ZNF385D: variants seen among roughly 807,000 people sequenced by gnomAD.
The protein encoded by ZNF385D is zinc finger protein 385D.
ZNF385D carries 15 observed loss-of-function variants against 35.8 expected under a neutral mutation model. That is an observed-to-expected ratio of 0.42 (90% CI 0.28 to 0.64). The LOEUF is 0.64. Among genes scored for constraint, ZNF385D ranks in the 30% least tolerant of loss-of-function variants. The pLI is 0.23. For synonymous variants in ZNF385D, 212 were observed against 186.8 expected, an observed-to-expected ratio of 1.13 and a Z score of -1.10; for missense variants, 474 against 494.6, an observed-to-expected ratio of 0.96 and a Z score of 0.39.
intron 2 of ZNF385D, among the ~76,000 whole-genome samples, chr3:21,638,732 A>G (rs570054215): frequency 1.3e-5 from 2 of 152,270 alleles, no homozygotes; most frequent in East Asian, 1.9e-4. Context: ...GGTTTTGTAC[A>G]TAGAAAGCTA....
chr3:22,002,008 A>T (rs1587295), intron 3 of ZNF385D, among the ~76,000 whole-genome samples: 98,776 of 151,444 alleles, frequency 0.65, 33,420 homozygotes, highest in African/African-American at 0.81. Flanking sequence ...AAATAAACAA[A>T]CTTGTAACAA....
At chr3:21,467,658 T>C (rs77195103) in intron 4 of ZNF385D, among the ~76,000 whole-genome samples, 2,724 of 152,270 alleles carry the variant, frequency 0.018, 45 homozygotes, top group South Asian at 0.047. Flanking sequence ...CTCAATATCC[T>C]GATTCTGTCC....
chr3:22,225,071 T>C (rs1005287900), intron 2 of ZNF385D, among the ~76,000 whole-genome samples: 3 of 152,208 alleles, frequency 2.0e-5, no homozygotes, highest in African/African-American at 7.2e-5. Flanking sequence ...CAATTACAGA[T>C]AAAATTATGT....
intron 3 of ZNF385D, among the ~76,000 whole-genome samples, chr3:21,922,359 A>C (rs1436316730): frequency 6.6e-6 from 1 of 152,182 alleles, no homozygotes; most frequent in Non-Finnish European, 1.5e-5. Context: ...GAATAAAGCT[A>C]GAGGCATCAC....
In ZNF385D at chr3:22,233,393, G is replaced by C. The variant is rs11923162; in HGVS notation, c.107-64358C>G. On this transcript the variant is annotated intron_variant, in intron 2 of 5. Coordinates refer to the ZNF385D transcript ENST00000494108. Reference sequence around the variant, plus strand: ...AAAATCCAATCTGTAATGAAAGAAAGCAGATCAGTGGTTGCCTGGGGCAAC... The same window carrying C: ...AAAATCCAATCTGTAATGAAAGAAACCAGATCAGTGGTTGCCTGGGGCAAC... Among the ~76,000 whole-genome samples, 622 of 152,238 alleles carry C rather than the reference G, an allele frequency of 4.1e-3. 5 individuals carry two copies. The highest frequency in any genetic ancestry group is 0.014 in the African/African-American group (588 of 41,554).
In ZNF385D at chr3:21,776,823, G is replaced by T. The variant is rs538703542; in HGVS notation, c.326-111795C>A. ...ACGGCTACCAGAACTCCATGAGAAA[G>T]GCACATTTGCTATTCCTGTGGGCAG... On this transcript the variant is annotated intron_variant, in intron 3 of 5. Coordinates refer to the ZNF385D transcript ENST00000494108. Among the ~76,000 whole-genome samples the T allele has an allele frequency of 4.8e-3, 723 of 151,942 alleles. 5 individuals are homozygous for T. The highest frequency in any genetic ancestry group is 0.017 in the African/African-American group (697 of 41,474).
At chr3:21,999,380 C>A (rs2125411274) in intron 3 of ZNF385D, among the ~76,000 whole-genome samples, 1 of 151,722 alleles carries the variant, frequency 6.6e-6, no homozygotes, top group Admixed American at 6.6e-5. Context: ...TGAATGCAAT[C>A]TTAGTGTATG....
chr3:21,604,646 A>G (rs1284116974), intron 2 of ZNF385D, among the ~76,000 whole-genome samples: 2 of 152,272 alleles, frequency 1.3e-5, no homozygotes, highest in African/African-American at 4.8e-5. Flanking sequence ...AGGCCTGAGA[A>G]TAGCGGTTCT....
chr3:22,073,875 C>T (rs1005568864), intron 3 of ZNF385D, among the ~76,000 whole-genome samples: 8 of 151,846 alleles, frequency 5.3e-5, no homozygotes, highest in East Asian at 1.9e-4. Flanking sequence ...ACAGCCTTTA[C>T]GATTGTTTTA....
intron 2 of ZNF385D, among the ~76,000 whole-genome samples, chr3:22,248,182 G>T (rs748130796): frequency 6.6e-6 from 1 of 152,078 alleles, no homozygotes; most frequent in East Asian, 1.9e-4. Context: ...AAGTTATTCT[G>T]TCAACCATTC....
intron 2 of ZNF385D, among the ~76,000 whole-genome samples, chr3:22,274,880 C>T (rs1460115194): frequency 2.0e-5 from 3 of 150,616 alleles, no homozygotes; most frequent in East Asian, 2.0e-4. Flanking sequence ...ACAGGGATAG[C>T]AACAATATAA....
chr3:22,019,522 C>T (rs991700832), intron 3 of ZNF385D, among the ~76,000 whole-genome samples: 1 of 151,830 alleles, frequency 6.6e-6, no homozygotes, highest in African/African-American at 2.4e-5. Context: ...CCTCTATATG[C>T]ATGAAAAATA....
At chr3:21,772,921 T>C (rs2071135575) in intron 3 of ZNF385D, among the ~76,000 whole-genome samples, 1 of 151,844 alleles carries the variant, frequency 6.6e-6, no homozygotes, top group African/African-American at 2.4e-5. Flanking sequence ...TAGAAGAATC[T>C]TGAGAACATG....
At chr3:21,912,262 G>A (rs1699998028) in intron 3 of ZNF385D, among the ~76,000 whole-genome samples, 2 of 151,786 alleles carry the variant, frequency 1.3e-5, no homozygotes, top group South Asian at 4.2e-4. Context: ...CAATATTTAA[G>A]ACAATAATAA....
intron 2 of ZNF385D, among the ~76,000 whole-genome samples, chr3:22,301,061 A>C (rs1702873897): frequency 6.6e-6 from 1 of 152,032 alleles, no homozygotes; most frequent in African/African-American, 2.4e-5. Context: ...TAATAAAGAA[A>C]ACGTGTTCTA....
chr3:22,356,986 G>T (rs1446265636), intron 2 of ZNF385D, among the ~76,000 whole-genome samples: 2 of 151,768 alleles, frequency 1.3e-5, no homozygotes, highest in Non-Finnish European at 2.9e-5. Flanking sequence ...AAACAAGATA[G>T]CAAGTTATAA....
chr3:22,185,455 C>G (rs117430443), intron 2 of ZNF385D, among the ~76,000 whole-genome samples: 2 of 152,040 alleles, frequency 1.3e-5, no homozygotes, highest in Admixed American at 6.6e-5. Context: ...TAAATATGAT[C>G]TACCCATTCA....
chr3:21,985,028 C>G (rs1694727810), intron 3 of ZNF385D, among the ~76,000 whole-genome samples: 1 of 150,540 alleles, frequency 6.6e-6, no homozygotes, highest in African/African-American at 2.4e-5. Flanking sequence ...TATCCTGAGA[C>G]TTTGCTGAAG....
At chr3:21,971,990 G>C (rs544751637) in intron 3 of ZNF385D, among the ~76,000 whole-genome samples, 30 of 152,008 alleles carry the variant, frequency 2.0e-4, no homozygotes, top group African/African-American at 6.5e-4. Flanking sequence ...AAGAGAGGTA[G>C]ATCCCAACAC....
Sources: allele counts gnomAD v4.1 joint callset (sites outside exome capture counted in the v4.1 genomes callset), GRCh38; gene constraint gnomAD v4.1.1; transcripts MANE v1.5; gene names NCBI Gene and HGNC (gene_info 2026-07-23, HGNC 2026-07-21).